The following HM13 variants were observed in gnomAD, a reference collection of about 807,000 sequenced individuals.
HM13 encodes the protein histocompatibility minor 13.
In HM13, 18 loss-of-function variants were observed where a neutral mutation model predicts 50.0. That is an observed-to-expected ratio of 0.36 (90% CI 0.25 to 0.53). The LOEUF (loss-of-function observed/expected upper bound fraction) is 0.53. Ranked by LOEUF, HM13 falls within the 20% of genes least tolerant of loss-of-function variation. HM13 has a pLI of 0.90. For synonymous variants in HM13, 197 were observed against 232.6 expected, an observed-to-expected ratio of 0.85 and a Z score of 1.39; for missense variants, 393 against 552.4, an observed-to-expected ratio of 0.71 and a Z score of 2.89.
In HM13 at chr20:31,561,684, T is replaced by C; in HGVS notation, c.896T>C (p.Ile299Thr). ...TYFYTSFAAYIFGLGLTIFIM... is the reference protein window; with the variant it reads ...TYFYTSFAAYTFGLGLTIFIM... ...TTCTACACCAGCTTTGCAGCCTACA[T>C]CTTCGGCCTGGGCCTTACCATCTTC... is the stretch of plus-strand genomic sequence containing the variant. The change falls in exon 10 of 13, where the codon ATC (isoleucine) becomes ACC (threonine). Residue 299 changes from isoleucine to threonine, a missense_variant. By Grantham distance (89) the Ile-to-Thr change is moderately conservative. This residue lies in a region of HM13 where 74 missense variants were observed against 160.4 expected (regional missense o/e 0.46). Coordinates refer to ENST00000398174, the MANE Select transcript of HM13 (RefSeq NM_178581.3). 1 of 1,614,096 alleles carries C rather than the reference T, an allele frequency of 6.2e-7. No homozygotes were observed. The highest frequency in any genetic ancestry group is 8.5e-7 in the Non-Finnish European group (1 of 1,179,908).
In HM13 at chr20:31,569,176, C is replaced by G; in HGVS notation, c.1238C>G (p.Thr413Arg). The change falls in exon 13 of 13, where the codon ACA (threonine) becomes AGA (arginine). Residue 413 changes from threonine to arginine, a missense_variant. Physicochemically the swap from Thr to Arg is moderately conservative, Grantham distance 71. Around this residue, in one of 3 missense-constraint regions of HM13, gnomAD observed 105 missense variants for 115.9 expected, o/e 0.91. Coordinates refer to ENST00000398174, the MANE Select transcript of HM13 (RefSeq NM_178581.3). The part of the protein sequence containing the change: ...PAAVTESKEG[T>R]EASASKGLEK... ...GCAGTGACAGAATCCAAAGAGGGAA[C>G]AGAGGCATCAGCATCGAAGGGGCTG... 1 of 1,602,024 alleles carries G rather than the reference C, an allele frequency of 6.2e-7. No homozygotes were observed. The highest frequency in any genetic ancestry group is 8.5e-7 in the Non-Finnish European group (1 of 1,174,546).
chr20:31,569,348 C>T lies in HM13; in HGVS notation c.*129C>T. 1 of 585,864 alleles carries T rather than the reference C, an allele frequency of 1.7e-6. No homozygotes were observed. Among genetic ancestry groups the T allele is most frequent in the Non-Finnish European group, 3.1e-6 (1 of 326,152 alleles). 36.3% of individuals were successfully genotyped at this position (585,864 alleles called of 1,614,324 possible). On this transcript the variant is annotated 3_prime_UTR_variant, in exon 13 of 13. Coordinates refer to ENST00000398174, the MANE Select transcript of HM13 (RefSeq NM_178581.3). ...GGACAGGGCAGGGGGCAGCAGGATA[C>T]CTCCAGCCAGGCCTCTGTGGCCTCT...
chr20:31,542,333 C>T (rs908277216), intron 3 of HM13, among the ~76,000 whole-genome samples: 1 of 152,150 alleles, frequency 6.6e-6, no homozygotes, highest in African/African-American at 2.4e-5. Flanking sequence ...ACCCAGCTGA[C>T]CTTAGAGGGA....
intron 4 of HM13, among the ~76,000 whole-genome samples, chr20:31,545,475 T>C (rs1983662350): frequency 6.6e-6 from 1 of 152,150 alleles, no homozygotes; most frequent in African/African-American, 2.4e-5. Context: ...TTTTCAAAAA[T>C]AAAAACTGGC....
chr20:31,516,882 A>T (rs1413590210), intron 1 of HM13, among the ~76,000 whole-genome samples: 1 of 152,200 alleles, frequency 6.6e-6, no homozygotes, highest in Non-Finnish European at 1.5e-5. Context: ...ACAGCAACTG[A>T]GGTGGCAGGC....
In HM13 at chr20:31,522,790, G is replaced by A. The variant is rs1982250598; in HGVS notation, c.184-4694G>A. On this transcript the variant is annotated intron_variant, in intron 1 of 12. Transcript: ENST00000398174. ...TTTAAATGATGACTCGAGATACAAT[G>A]CTGAGTACTTCCAAAGCAGAAATCA... is the stretch of plus-strand genomic sequence containing the variant. Among the ~76,000 whole-genome samples the A allele has an allele frequency of 2.0e-5, 3 of 152,000 alleles. No individual in the cohort carries two copies. The South Asian group carries it at 6.2e-4, about 32-fold the overall frequency.
chr20:31,538,691 G>T, intron 3 of HM13: 1 of 1,053,822 alleles, frequency 9.5e-7, no homozygotes, highest in South Asian at 4.5e-5. Flanking sequence ...GTGGGCTCTG[G>T]CATTTGACTA....
At chr20:31,546,606 T>C (rs1600649457) in intron 4 of HM13, among the ~76,000 whole-genome samples, 1 of 151,678 alleles carries the variant, frequency 6.6e-6, no homozygotes, top group Non-Finnish European at 1.5e-5. Context: ...CAAAAAAAAT[T>C]AGCCAGGCAT....
intron 7 of HM13, chr20:31,554,540 G>C (rs1215665664): frequency 1.2e-5 from 6 of 504,028 alleles, no homozygotes; most frequent in African/African-American, 1.2e-4. Flanking sequence ...AAATTAGCTG[G>C]GTGCGGTGGT....
chr20:31,559,373 A>G (rs1207731657), intron 8 of HM13, among the ~76,000 whole-genome samples: 1 of 152,170 alleles, frequency 6.6e-6, no homozygotes, highest in Non-Finnish European at 1.5e-5. Flanking sequence ...ACATAGTATG[A>G]TGCGGTGAGG....
chr20:31,559,244 G>C (rs996814984), intron 8 of HM13, among the ~76,000 whole-genome samples: 6 of 152,208 alleles, frequency 3.9e-5, no homozygotes, highest in Non-Finnish European at 8.8e-5. Flanking sequence ...GTATGTCATA[G>C]TGTGGCTACC....
intron 7 of HM13, chr20:31,550,478 G>A (rs545471346): frequency 7.5e-5 from 18 of 241,440 alleles, no homozygotes; most frequent in Admixed American, 1.5e-4. Context: ...CCTGAGTGTC[G>A]GGTGCTGTCT....
intron 2 of HM13, among the ~76,000 whole-genome samples, chr20:31,532,395 A>T (rs928065686): frequency 6.6e-6 from 1 of 152,250 alleles, no homozygotes; most frequent in South Asian, 2.1e-4. Context: ...CCTGCACTCC[A>T]GCCTGGTGAC....
intron 1 of HM13, among the ~76,000 whole-genome samples, chr20:31,524,341 C>T (rs1415313529): frequency 2.0e-5 from 3 of 152,112 alleles, no homozygotes; most frequent in South Asian, 2.1e-4. Context: ...CTCAGCAAGC[C>T]GTTAACAGAG....
At chr20:31,545,277 G>T (rs2122610782) in intron 4 of HM13, among the ~76,000 whole-genome samples, 1 of 152,260 alleles carries the variant, frequency 6.6e-6, no homozygotes, top group South Asian at 2.1e-4. Context: ...TAAAATGAAA[G>T]TGTTAATCTA....
Position 31,549,027 on chromosome 20 carries a change from A to C in HM13, c.455-2A>C, listed in dbSNP as rs1983874415. ...GTGGACTTACCTGGCCTCTCTGCTCAGAGATCATCAATTATGAATTTGACA... is the reference window on the plus strand; with the variant it reads ...GTGGACTTACCTGGCCTCTCTGCTCCGAGATCATCAATTATGAATTTGACA... On this transcript the variant is annotated splice_acceptor_variant, in intron 4 of 12. Transcript: ENST00000398174. LOFTEE classifies it high-confidence loss of function. 3.7e-6 allele frequency: 6 copies of C among 1,613,438 alleles called. No homozygotes were observed. Among genetic ancestry groups the C allele is most frequent in the Non-Finnish European group, 5.1e-6 (6 of 1,179,482 alleles).
At chr20:31,547,107 A>G (rs905606371) in intron 4 of HM13, among the ~76,000 whole-genome samples, 8 of 152,302 alleles carry the variant, frequency 5.3e-5, no homozygotes, top group African/African-American at 1.9e-4. Context: ...TTTAGCTATA[A>G]GAGAAGCTGG....
At chr20:31,566,355 T>A in intron 11 of HM13, 60 bp downstream of exon 11, 1 of 1,315,686 alleles carries the variant, frequency 7.6e-7, no homozygotes, top group Non-Finnish European at 1.1e-6. Flanking sequence ...TGGCAGTCAG[T>A]GGAACCTGCT....
At chr20:31,519,843 CT>C (rs35626235) in intron 1 of HM13, among the ~76,000 whole-genome samples, 31,767 of 125,340 alleles carry the variant, frequency 0.25, 5,191 homozygotes, top group African/African-American at 0.57. Context: ...GCTATGCACA[CT>C]TTTTTTTTTT....
Sources: gnomAD v4.1 joint callset for allele counts (sites outside exome capture counted in the v4.1 genomes callset) on GRCh38, gnomAD v4.1.1 for gene constraint, gnomAD v4.1.1 regional missense constraint, MANE v1.5 for transcripts, NCBI Gene and HGNC (gene_info 2026-07-23, HGNC 2026-07-21) for gene names.